Variants in TLK1 observed in about 807,000 individuals in gnomAD.
TLK1 encodes the protein tousled like kinase 1.
A neutral mutation model predicts 105.3 loss-of-function variants in TLK1; 24 were observed. The observed-to-expected ratio is 0.23, with a 90% confidence interval of 0.17 to 0.32. The LOEUF (loss-of-function observed/expected upper bound fraction) is 0.32, where lower values mean the gene tolerates loss of function less well. Among genes scored for constraint, TLK1 ranks in the 10% least tolerant of loss-of-function variants. The probability of loss-of-function intolerance (pLI) is 1.00; values close to 1 mark genes in which losing one functional copy is unlikely to be tolerated. For missense variants in TLK1, 558 were observed against 910.5 expected (o/e 0.61, Z 4.98); for synonymous variants, 321 against 310.4 (o/e 1.03, Z -0.36).
chr2:171,229,645 C>T (rs1693956793), intron 1 of TLK1, among the ~76,000 whole-genome samples: 1 of 152,184 alleles, frequency 6.6e-6, no homozygotes, highest in African/African-American at 2.4e-5. Context: ...AAGTCCTTTC[C>T]TCAAGAGAAA....
chr2:171,154,518 G>T (rs1465751587), intron 1 of TLK1: 1 of 152,142 alleles, frequency 6.6e-6, no homozygotes, highest in East Asian at 1.9e-4. Flanking sequence ...TAAAATGAGA[G>T]GTTTGTACTA....
At chr2:171,018,239 C>T (rs903135585) in intron 12 of TLK1, among the ~76,000 whole-genome samples, 1 of 152,186 alleles carries the variant, frequency 6.6e-6, no homozygotes, top group South Asian at 2.1e-4. Context: ...GAGAGGGTGG[C>T]TATCTGCAAG....
chr2:171,060,047 G>C (rs1197529230), intron 4 of TLK1: 2 of 1,600,358 alleles, frequency 1.2e-6, no homozygotes, highest in Non-Finnish European at 1.7e-6. Flanking sequence ...TCCAAAGGAA[G>C]GGGGGAAAAA....
chr2:171,195,975 C>T (rs1194590508), intron 1 of TLK1, among the ~76,000 whole-genome samples: 1 of 142,164 alleles, frequency 7.0e-6, no homozygotes, highest in Non-Finnish European at 1.5e-5. Context: ...AAGGTGGAGG[C>T]TGCAGTGGGC....
chr2:171,014,770 A>C (rs755357632), intron 13 of TLK1, 81 bp downstream of exon 13: 2 of 1,063,184 alleles, frequency 1.9e-6, no homozygotes, highest in Non-Finnish European at 2.8e-6. Context: ...CAACCCAAGA[A>C]GGAAATATTG....
intron 12 of TLK1, among the ~76,000 whole-genome samples, chr2:171,022,086 A>ACACAC (rs1553605633): frequency 0.027 from 2,800 of 103,076 alleles, 50 homozygotes; most frequent in Non-Finnish European, 0.041. Flanking sequence ...CTGGGCGAAA[A>ACACAC]ACACACACAC....
intron 10 of TLK1, among the ~76,000 whole-genome samples, chr2:171,049,145 CA>C (rs1558907826): frequency 2.0e-5 from 3 of 152,098 alleles, no homozygotes; most frequent in Admixed American, 1.3e-4. Flanking sequence ...GAGGCAGAGA[CA>C]GGGGCAAGGA....
At chr2:170,997,892 A>C in intron 18 of TLK1, 69 bp from the exon 19 acceptor site, 1 of 921,920 alleles carries the variant, frequency 1.1e-6, no homozygotes, top group Non-Finnish European at 1.6e-6. Context: ...TCTAAGTGTA[A>C]AATCTTAGAA....
chr2:171,076,348 G>C (rs1688504591), intron 3 of TLK1, among the ~76,000 whole-genome samples: 1 of 152,096 alleles, frequency 6.6e-6, no homozygotes, highest in African/African-American at 2.4e-5. Context: ...CTCCCTCTCT[G>C]TCTCACACGC....
At chr2:171,076,886 C>G (rs1344280158) in intron 3 of TLK1, among the ~76,000 whole-genome samples, 3 of 151,770 alleles carry the variant, frequency 2.0e-5, no homozygotes, top group Non-Finnish European at 2.9e-5. Flanking sequence ...TGCACTCCAG[C>G]CTAGGCAACG....
chr2:171,160,148 G>T lies in TLK1; in HGVS notation c.139+142C>A. 1 of 920,496 alleles carries T rather than the reference G, an allele frequency of 1.1e-6. No homozygotes were observed. Among genetic ancestry groups the T allele is most frequent in the Non-Finnish European group, 1.4e-6 (1 of 702,966 alleles). 57.0% of individuals were successfully genotyped at this position (920,496 alleles called of 1,614,324 possible). Reference sequence around the variant, plus strand: ...CCTCCCCAGAGCCGGGGAGCCGGGCGGCCTCGCGTCCACCTCGCCACCATC... The same window carrying T: ...CCTCCCCAGAGCCGGGGAGCCGGGCTGCCTCGCGTCCACCTCGCCACCATC... On this transcript the variant is annotated intron_variant, in intron 1 of 20. Coordinates refer to ENST00000431350, the MANE Select transcript of TLK1 (RefSeq NM_012290.5). This position sits in a 1 kb window ranked among gnomAD's most constrained non-coding sequence, Gnocchi z 4.4.
chr2:171,008,709 AATCATG>A (rs985910992), intron 14 of TLK1, among the ~76,000 whole-genome samples: 43 of 152,340 alleles, frequency 2.8e-4, no homozygotes, highest in African/African-American at 8.4e-4. Context: ...CAGAACTGGC[AATCATG>A]AAAGGGCTTT....
At chr2:171,008,492 TAA>T (rs1371528707) in intron 14 of TLK1, among the ~76,000 whole-genome samples, 1 of 152,084 alleles carries the variant, frequency 6.6e-6, no homozygotes, top group Admixed American at 6.6e-5. Context: ...AAGCAAGCAA[TAA>T]AAAGTTATTA....
At chr2:171,013,558 G>A (rs1373792721) in intron 13 of TLK1, among the ~76,000 whole-genome samples, 2 of 149,898 alleles carry the variant, frequency 1.3e-5, no homozygotes, top group African/African-American at 2.5e-5. Flanking sequence ...TGCTTGCACT[G>A]GCCTCCCAAA....
intron 1 of TLK1, among the ~76,000 whole-genome samples, chr2:171,184,232 G>GGAA (rs1692980711): frequency 6.6e-6 from 1 of 152,168 alleles, no homozygotes; most frequent in African/African-American, 2.4e-5. Context: ...AAAGCAGAAA[G>GGAA]CCCTGCTGAC....
At chr2:171,038,706 T>C (rs1686498080) in intron 11 of TLK1, among the ~76,000 whole-genome samples, 1 of 152,204 alleles carries the variant, frequency 6.6e-6, no homozygotes, top group Non-Finnish European at 1.5e-5. Context: ...AATACCACTC[T>C]TACATAAACT....
chr2:171,184,062 C>T (rs1037482254), intron 1 of TLK1, among the ~76,000 whole-genome samples: 1 of 152,122 alleles, frequency 6.6e-6, no homozygotes. Flanking sequence ...AGAAACTTTC[C>T]TAGCTGTGGT....
intron 1 of TLK1, among the ~76,000 whole-genome samples, chr2:171,183,980 T>C (rs1326568125): frequency 2.0e-5 from 3 of 152,214 alleles, no homozygotes; most frequent in Non-Finnish European, 4.4e-5. Flanking sequence ...ATGGTTAGGA[T>C]TGTGGAGATG....
chr2:171,231,104 A>G (rs1693987805), intron 1 of TLK1: 1 of 152,204 alleles, frequency 6.6e-6, no homozygotes, highest in Non-Finnish European at 1.5e-5. Flanking sequence ...AAATTATCCC[A>G]AATTTGATGG....
Sources: allele counts gnomAD v4.1 joint callset (sites outside exome capture counted in the v4.1 genomes callset), GRCh38; gene constraint gnomAD v4.1.1; non-coding constraint Gnocchi (gnomAD v3.1); transcripts MANE v1.5; gene names NCBI Gene and HGNC (gene_info 2026-07-23, HGNC 2026-07-21).